Variants in KANSL2 observed in about 807,000 individuals in gnomAD.
The protein encoded by KANSL2 is NSL complex protein NSL2.
In KANSL2, 34 loss-of-function variants were observed where a neutral mutation model predicts 55.6. The observed-to-expected ratio is 0.61, with a 90% CI of 0.46 to 0.81. The LOEUF (loss-of-function observed/expected upper bound fraction) is 0.81. Ranked by LOEUF, KANSL2 falls within the 40% of genes least tolerant of loss-of-function variation. The pLI is 0.00. For synonymous variants in KANSL2, 209 were observed against 214.3 expected, an observed-to-expected ratio of 0.98 and a Z score of 0.22; for missense variants, 502 against 609.9, an observed-to-expected ratio of 0.82 and a Z score of 1.86.
chr12:48,676,841 T>C (rs578026192), intron 4 of KANSL2, among the ~76,000 whole-genome samples: 1 of 152,274 alleles, frequency 6.6e-6, no homozygotes, highest in Non-Finnish European at 1.5e-5. Context: ...AGCAACATCA[T>C]AAACAATATA....
intron 7 of KANSL2, among the ~76,000 whole-genome samples, chr12:48,663,121 C>CTAT (rs2137182466): frequency 6.6e-6 from 1 of 152,238 alleles, no homozygotes; most frequent in Non-Finnish European, 1.5e-5. Flanking sequence ...ATTTATCTAC[C>CTAT]TATTCTCCAG....
chr12:48,667,906 AAATAGATTCACC>A, intron 6 of KANSL2, 117 bp from the exon 7 acceptor site: 1 of 733,060 alleles, frequency 1.4e-6, no homozygotes, highest in Non-Finnish European at 2.3e-6. Flanking sequence ...CATTTAACAA[AAATAGATTCACC>A]AATATTATGC....
At chr12:48,672,271 C>T (rs970207279) in intron 4 of KANSL2, among the ~76,000 whole-genome samples, 1 of 151,406 alleles carries the variant, frequency 6.6e-6, no homozygotes, top group African/African-American at 2.4e-5. Context: ...TATTAATCTA[C>T]ATTCTTAATG....
chr12:48,676,317 G>A (rs1939819956), intron 4 of KANSL2, among the ~76,000 whole-genome samples: 1 of 152,038 alleles, frequency 6.6e-6, no homozygotes, highest in African/African-American at 2.4e-5. Flanking sequence ...TGTTGCCCAG[G>A]CTGGTCTCGA....
intron 4 of KANSL2, among the ~76,000 whole-genome samples, chr12:48,677,446 C>T (rs936165563): frequency 6.6e-6 from 1 of 152,114 alleles, no homozygotes; most frequent in African/African-American, 2.4e-5. Flanking sequence ...GCATACATCT[C>T]TTCAAAGCAG....
chr12:48,672,519 T>C (rs575180579), intron 4 of KANSL2, among the ~76,000 whole-genome samples: 3 of 149,430 alleles, frequency 2.0e-5, no homozygotes, highest in South Asian at 4.2e-4. Context: ...TAACCTTTGC[T>C]TCCTGGGCTC....
intron 4 of KANSL2, 87 bp from the exon 5 acceptor site, chr12:48,672,049 T>C (rs1207748612): frequency 1.7e-6 from 2 of 1,178,504 alleles, no homozygotes; most frequent in Non-Finnish European, 2.3e-6. Flanking sequence ...AGACTAAGTT[T>C]GTTATTTAAC....
chr12:48,679,220 T>A (rs748339797), intron 3 of KANSL2, 70 bp from the exon 4 acceptor site: 1 of 1,014,274 alleles, frequency 9.9e-7, no homozygotes, highest in South Asian at 1.3e-5. Flanking sequence ...AAAACTAGAT[T>A]ACTTTTATCA....
intron 6 of KANSL2, among the ~76,000 whole-genome samples, 173 bp downstream of exon 6, chr12:48,668,933 G>A (rs981920588): frequency 3.9e-5 from 6 of 152,132 alleles, no homozygotes; most frequent in African/African-American, 1.4e-4. Flanking sequence ...CTACTCGGGA[G>A]GCTGAGGCAG....
chr12:48,676,118 T>C (rs1939816192), intron 4 of KANSL2, among the ~76,000 whole-genome samples: 1 of 152,160 alleles, frequency 6.6e-6, no homozygotes, highest in Non-Finnish European at 1.5e-5. Flanking sequence ...ATTTATTTTT[T>C]CTGTGTGTAT....
intron 6 of KANSL2, 74 bp from the exon 7 acceptor site, chr12:48,667,863 A>C: frequency 4.6e-6 from 5 of 1,089,772 alleles, no homozygotes; most frequent in Non-Finnish European, 4.2e-6. Flanking sequence ...ATAGTTATAT[A>C]AGAAAAGCAC....
At position 48,667,848 on chromosome 12, in the gene KANSL2, T is replaced by A. The variant is rs899917013; in HGVS notation, c.877-59A>T. ...CAAAAGAACACACAAACAATTACGATGAAAATAGTTATATAAGAAAAGCAC... is the reference window on the plus strand; with the variant it reads ...CAAAAGAACACACAAACAATTACGAAGAAAATAGTTATATAAGAAAAGCAC... On this transcript the variant is annotated intron_variant, in intron 6 of 9. Transcript: ENST00000420613. 2.5e-5 allele frequency: 31 copies of A among 1,220,444 alleles called. 1 individual carries two copies. The South Asian group carries it at 3.8e-4, about 15-fold the overall frequency. The allele number at this position is 1,220,444 out of a possible 1,614,324, so 75.6% of individuals were successfully genotyped here.
At chr12:48,668,217 C>T (rs1939639145) in intron 6 of KANSL2, among the ~76,000 whole-genome samples, 1 of 152,184 alleles carries the variant, frequency 6.6e-6, no homozygotes, top group Non-Finnish European at 1.5e-5. Context: ...TTCTACCTTC[C>T]CACCTTTTAA....
At chr12:48,670,513 T>TGC (rs1939691704) in intron 5 of KANSL2, among the ~76,000 whole-genome samples, 1 of 152,184 alleles carries the variant, frequency 6.6e-6, no homozygotes, top group East Asian at 1.9e-4. Flanking sequence ...TGTACGTGTT[T>TGC]GCATCTTAGT....
intron 7 of KANSL2, 74 bp downstream of exon 7, chr12:48,667,619 C>T: frequency 1.7e-6 from 2 of 1,204,014 alleles, no homozygotes; most frequent in East Asian, 2.4e-5. Context: ...TTCAATTAAG[C>T]AAACTAGCAC....
chr12:48,681,646 G>T lies in KANSL2; in HGVS notation c.-9-5C>A, dbSNP rs199711246. 8.6e-5 allele frequency: 138 copies of T among 1,613,910 alleles called. No individual in the cohort carries two copies. Among genetic ancestry groups the T allele is most frequent in the South Asian group, 4.6e-4 (42 of 91,088 alleles). ...AATCCTGTTCATAACCAAAACCTGC[G>T]GGGTCAAACGAAAGACCAAAAAGCC... On this transcript the variant is annotated splice_polypyrimidine_tract_variant and splice_region_variant and intron_variant, in intron 1 of 9. Coordinates refer to ENST00000420613, the MANE Select transcript of KANSL2 (RefSeq NM_017822.4).
intron 4 of KANSL2, among the ~76,000 whole-genome samples, chr12:48,675,327 A>G (rs1279699402): frequency 2.0e-5 from 3 of 152,080 alleles, no homozygotes; most frequent in Non-Finnish European, 4.4e-5. Context: ...AATTGCTTGA[A>G]CCCAGGAGGC....
intron 8 of KANSL2, among the ~76,000 whole-genome samples, chr12:48,657,754 T>C (rs975942734): frequency 1.3e-5 from 2 of 152,034 alleles, no homozygotes; most frequent in African/African-American, 4.8e-5. Context: ...GTAGCTGGGA[T>C]TACAGGCGCG....
At chr12:48,669,081 C>A (rs189149141) in intron 6 of KANSL2, 25 bp downstream of exon 6, 26 of 1,509,450 alleles carry the variant, frequency 1.7e-5, no homozygotes, top group Middle Eastern at 1.7e-4. Flanking sequence ...AACGTATATA[C>A]CTTAAAGGTA....
Sources: allele counts gnomAD v4.1 joint callset (sites outside exome capture counted in the v4.1 genomes callset), GRCh38; gene constraint gnomAD v4.1.1; transcripts MANE v1.5; gene names NCBI Gene and HGNC (gene_info 2026-07-23, HGNC 2026-07-21).